The following KLHL8 variants were observed in gnomAD, a reference collection of about 807,000 sequenced individuals.
KLHL8 encodes kelch-like protein 8.
A neutral mutation model predicts 63.5 loss-of-function variants in KLHL8; 38 were observed. The ratio of observed to expected loss-of-function variants is 0.60; its 90% CI spans 0.46 to 0.78. The LOEUF is 0.78. Among genes scored for constraint, KLHL8 ranks in the 30% least tolerant of loss-of-function variants. The pLI is 0.00. For synonymous variants in KLHL8, 224 were observed against 254.3 expected, an observed-to-expected ratio of 0.88 and a Z score of 1.13; for missense variants, 566 against 752.4, an observed-to-expected ratio of 0.75 and a Z score of 2.90.
At chr4:87,198,251 C>T (rs780529921) in intron 1 of KLHL8, among the ~76,000 whole-genome samples, 14 of 152,018 alleles carry the variant, frequency 9.2e-5, no homozygotes, top group Non-Finnish European at 1.6e-4. Context: ...ACCCGGGAGG[C>T]GGAGGTTGCA....
chr4:87,225,088 A>G (rs541137064), upstream of KLHL8, among the ~76,000 whole-genome samples: 11 of 151,980 alleles, frequency 7.2e-5, no homozygotes, highest in Non-Finnish European at 1.5e-4. Flanking sequence ...CACAGCACCC[A>G]GCATCCCTGA....
intron 1 of KLHL8, among the ~76,000 whole-genome samples, chr4:87,217,809 T>G (rs1022566550): frequency 6.6e-6 from 1 of 152,118 alleles, no homozygotes; most frequent in Admixed American, 6.5e-5. Flanking sequence ...TATACAAAAA[T>G]AAATGTGACT....
At chr4:87,190,771 C>T (rs1478003921) in intron 2 of KLHL8, among the ~76,000 whole-genome samples, 3 of 152,282 alleles carry the variant, frequency 2.0e-5, no homozygotes, top group East Asian at 3.9e-4. Flanking sequence ...AAGATCAAGG[C>T]ACTGGCAAAT....
chr4:87,170,645 A>G, intron 6 of KLHL8, 30 bp from the exon 7 acceptor site: 2 of 1,575,656 alleles, frequency 1.3e-6, no homozygotes, highest in Non-Finnish European at 1.7e-6. Flanking sequence ...TACTTTAGCA[A>G]ATGAGTTTGT....
rs774985987 is a variant in KLHL8, at chr4:87,178,542, T to C, written c.1031A>G (p.Asn344Ser). Residue 344 changes from asparagine to serine, a missense_variant, in exon 5 of 10, where the codon AAC becomes AGC. Transcript: ENST00000273963. Reference sequence around the variant, plus strand: ...CATTTCTGGTCCAAAGAACCAACTGTTTTTGTTGATAGAATAGCATTCAAT... The same window carrying C: ...CATTTCTGGTCCAAAGAACCAACTGCTTTTGTTGATAGAATAGCATTCAAT... ...RSIECYSINK[N>S]SWFFGPEMNS... The C allele has an allele frequency of 6.2e-7, 1 of 1,611,854 alleles. No individual in the cohort carries two copies. The highest frequency in any genetic ancestry group is 2.2e-5 in the East Asian group (1 of 44,716).
intron 1 of KLHL8, among the ~76,000 whole-genome samples, chr4:87,215,527 A>G (rs148860564): frequency 3.7e-4 from 57 of 152,324 alleles, no homozygotes; most frequent in African/African-American, 1.3e-3. Flanking sequence ...ACATTACTTG[A>G]TGGACAGATT....
chr4:87,194,759 G>A (rs1181344291), intron 2 of KLHL8, among the ~76,000 whole-genome samples: 2 of 152,192 alleles, frequency 1.3e-5, no homozygotes, highest in South Asian at 2.1e-4. Context: ...TGATCCTACA[G>A]ATGATGAGCA....
At chr4:87,170,875 A>G (rs1157068905) in intron 6 of KLHL8, among the ~76,000 whole-genome samples, 1 of 152,194 alleles carries the variant, frequency 6.6e-6, no homozygotes, top group East Asian at 1.9e-4. Flanking sequence ...AAACAATAAA[A>G]TATAACCCAA....
chr4:87,179,704 G>A (rs758020036), intron 4 of KLHL8, among the ~76,000 whole-genome samples: 1 of 152,110 alleles, frequency 6.6e-6, no homozygotes, highest in Non-Finnish European at 1.5e-5. Context: ...TTGAGCCCAT[G>A]ATTTCAATGC....
chr4:87,177,407 C>T (rs985347970), intron 5 of KLHL8, among the ~76,000 whole-genome samples: 6 of 151,810 alleles, frequency 4.0e-5, no homozygotes, highest in South Asian at 4.2e-4. Context: ...CTTGGGAGGC[C>T]GAGGCAGAAT....
chr4:87,176,549 T>G (rs958205021), intron 6 of KLHL8, among the ~76,000 whole-genome samples: 1 of 152,188 alleles, frequency 6.6e-6, no homozygotes, highest in Admixed American at 6.5e-5. Flanking sequence ...GTGACTACCA[T>G]ATGGTACTCT....
intron 8 of KLHL8, among the ~76,000 whole-genome samples, chr4:87,164,897 C>T (rs542674435): frequency 1.3e-4 from 20 of 151,926 alleles, no homozygotes; most frequent in South Asian, 6.3e-4. Flanking sequence ...GCCTGTAATC[C>T]CAGCACTTTG....
intron 1 of KLHL8, chr4:87,207,953 C>T (rs12649293): frequency 0.28 from 230,697 of 837,344 alleles, 35,063 homozygotes; most frequent in African/African-American, 0.47. Flanking sequence ...AACAGCAACA[C>T]GCACTCTTCC....
chr4:87,238,214 G>A (rs1733268369), intron 1 of KLHL8, among the ~76,000 whole-genome samples: 1 of 152,128 alleles, frequency 6.6e-6, no homozygotes, highest in South Asian at 2.1e-4. Context: ...GATTACAGGC[G>A]TGAACGTCCA....
Position 87,170,516 on chromosome 4 carries a change from T to A in KLHL8, c.1308A>T (p.Glu436Asp). Residue 436 changes from glutamate (E) to aspartate (D), a missense_variant, in exon 7 of 10, where the codon GAA becomes GAT. By Grantham distance (45) the Glu-to-Asp change is conservative. Coordinates refer to ENST00000273963, the MANE Select transcript of KLHL8 (RefSeq NM_020803.5). ...GTGCCACTGTACTCCACTGATCAGA[T>A]TCTATGTCATATCTCTCCACATCAT... ...CFNDVERYDI[E>D]SDQWSTVAPM... 1.2e-6 allele frequency: 2 copies of A among 1,613,976 alleles called. No individual in the cohort carries two copies. Among genetic ancestry groups the A allele is most frequent in the Non-Finnish European group, 1.7e-6 (2 of 1,179,922 alleles).
At chr4:87,164,952 TC>T (rs1249199828) in intron 8 of KLHL8, among the ~76,000 whole-genome samples, 1 of 151,704 alleles carries the variant, frequency 6.6e-6, no homozygotes, top group Non-Finnish European at 1.5e-5. Context: ...ATCGAGACCA[TC>T]CTGGCTAACA....
At chr4:87,214,722 A>C (rs1275476573) in intron 1 of KLHL8, among the ~76,000 whole-genome samples, 1 of 152,032 alleles carries the variant, frequency 6.6e-6, no homozygotes, top group East Asian at 1.9e-4. Context: ...GTAAATGACA[A>C]TGAGAACCAA....
chr4:87,205,381 G>A (rs1732082035), intron 1 of KLHL8, among the ~76,000 whole-genome samples: 1 of 150,838 alleles, frequency 6.6e-6, no homozygotes, highest in African/African-American at 2.5e-5. Context: ...CACTCCACCC[G>A]GGGTGACAGA....
chr4:87,177,365 G>C (rs1730867876), intron 5 of KLHL8, among the ~76,000 whole-genome samples: 1 of 151,882 alleles, frequency 6.6e-6, no homozygotes, highest in South Asian at 2.1e-4. Flanking sequence ...ATATTACCCG[G>C]GTGTGGTGGT....
Sources: allele counts gnomAD v4.1 joint callset (sites outside exome capture counted in the v4.1 genomes callset), GRCh38; gene constraint gnomAD v4.1.1; transcripts MANE v1.5; gene names NCBI Gene and HGNC (gene_info 2026-07-23, HGNC 2026-07-21).